SLC35D1: variants seen among roughly 807,000 people sequenced by gnomAD.
The protein encoded by SLC35D1 is nucleotide sugar transporter SLC35D1.
In SLC35D1, 31 loss-of-function variants were observed where a neutral mutation model predicts 46.7. That is an observed-to-expected ratio of 0.66 (90% CI 0.50 to 0.90). SLC35D1 has a LOEUF of 0.90. SLC35D1 is among the 40% of genes least tolerant of loss of function. The pLI is 0.00. For synonymous variants in SLC35D1, 195 were observed against 164.6 expected (o/e 1.18, Z -1.41); for missense variants, 397 against 426.2 (o/e 0.93, Z 0.60).
At chr1:66,983,526 A>G in the SLC35D1 span, among the ~76,000 whole-genome samples, 1 of 152,206 alleles carries the variant, frequency 6.6e-6, no homozygotes, top group Non-Finnish European at 1.5e-5. Flanking sequence ...CAACTCTAAA[A>G]TGAACTTTTG....
In SLC35D1 at chr1:67,052,937, G is replaced by C; in HGVS notation, c.237+19C>G. ...GTTCTAACAACATAAACCACGTAATGGTGAGGATTCCAACTAACCTGGCCA... is the reference window on the plus strand; with the variant it reads ...GTTCTAACAACATAAACCACGTAATCGTGAGGATTCCAACTAACCTGGCCA... On this transcript the variant is annotated intron_variant, in intron 2 of 11. Coordinates refer to ENST00000235345, the MANE Select transcript of SLC35D1 (RefSeq NM_015139.3). The C allele has an allele frequency of 6.2e-7, 1 of 1,614,052 alleles. No homozygotes were observed. The highest frequency in any genetic ancestry group is 8.5e-7 in the Non-Finnish European group (1 of 1,180,004).
the SLC35D1 span, among the ~76,000 whole-genome samples, chr1:66,990,136 C>A: frequency 6.6e-6 from 1 of 152,202 alleles, no homozygotes; most frequent in Non-Finnish European, 1.5e-5. Context: ...TTTGAGCTTT[C>A]AAACATCCTG....
chr1:66,974,451 GTTTT>G, the SLC35D1 span, among the ~76,000 whole-genome samples: 2 of 150,716 alleles, frequency 1.3e-5, no homozygotes, highest in African/African-American at 4.9e-5. Flanking sequence ...TGTTGTTGTT[GTTTT>G]TTAACACTTC....
At chr1:67,014,887 C>T (rs1325276693) in intron 10 of SLC35D1, among the ~76,000 whole-genome samples, 3 of 151,096 alleles carry the variant, frequency 2.0e-5, no homozygotes, top group East Asian at 3.9e-4. Flanking sequence ...TCCTCCCTAG[C>T]CCAACCATGT....
chr1:67,053,748 G>A (rs1243753544), intron 1 of SLC35D1, 63 bp downstream of exon 1: 17 of 1,381,644 alleles, frequency 1.2e-5, no homozygotes, highest in Middle Eastern at 2.3e-4. Context: ...GGGAGCCGGC[G>A]CCGCGCCGCC....
intron 8 of SLC35D1, among the ~76,000 whole-genome samples, chr1:67,034,030 C>G (rs1668074670): frequency 1.3e-5 from 2 of 152,072 alleles, no homozygotes; most frequent in African/African-American, 4.8e-5. Context: ...TATTCAGACA[C>G]ATAGATTTCA....
At chr1:67,015,825 A>G (rs771978730) in intron 10 of SLC35D1, among the ~76,000 whole-genome samples, 1 of 152,224 alleles carries the variant, frequency 6.6e-6, no homozygotes, top group Non-Finnish European at 1.5e-5. Flanking sequence ...TGGTATCTTT[A>G]TTATGTCTTA....
chr1:67,009,275 A>G (rs554317550), intron 10 of SLC35D1, 108 bp from the exon 11 acceptor site: 15 of 449,058 alleles, frequency 3.3e-5, no homozygotes, highest in African/African-American at 3.0e-4. Context: ...ACAAATAAAC[A>G]AAAGACAAAC....
chr1:66,987,865 T>TATAA, the SLC35D1 span: 1 of 152,422 alleles, frequency 6.6e-6, no homozygotes, highest in Non-Finnish European at 1.5e-5. Context: ...GATGTATTTT[T>TATAA]GTCTTCTTCC....
At chr1:66,981,133 G>T in the SLC35D1 span, among the ~76,000 whole-genome samples, 1 of 152,164 alleles carries the variant, frequency 6.6e-6, no homozygotes, top group Non-Finnish European at 1.5e-5. Context: ...CACTAAACCT[G>T]AGAGAGACAA....
the SLC35D1 span, chr1:66,981,869 C>T: frequency 6.8e-6 from 11 of 1,614,050 alleles, no homozygotes; most frequent in Non-Finnish European, 9.3e-6. Context: ...ACAGTAGTAA[C>T]AGCCAGTCTG....
the SLC35D1 span, among the ~76,000 whole-genome samples, chr1:66,980,326 C>T: frequency 1.5e-4 from 23 of 152,120 alleles, no homozygotes; most frequent in Non-Finnish European, 1.5e-5. Context: ...TAATTGAATT[C>T]CCTTCATTTA....
chr1:66,987,945 T>A, the SLC35D1 span: 1 of 152,298 alleles, frequency 6.6e-6, no homozygotes. Flanking sequence ...CTGGATTATA[T>A]AATTTAAAAA....
intron 6 of SLC35D1, among the ~76,000 whole-genome samples, chr1:67,048,870 G>A (rs895960348): frequency 6.6e-6 from 1 of 152,174 alleles, no homozygotes; most frequent in Non-Finnish European, 1.5e-5. Flanking sequence ...TGGCATTTGT[G>A]ACATATCTTA....
downstream of SLC35D1, among the ~76,000 whole-genome samples, chr1:66,996,913 T>C (rs1468099883): frequency 1.3e-5 from 2 of 152,212 alleles, no homozygotes; most frequent in African/African-American, 2.4e-5. Context: ...CTTCAACAAA[T>C]GGTGTTGGGA....
intron 10 of SLC35D1, among the ~76,000 whole-genome samples, chr1:67,017,462 G>C (rs183104182): frequency 5.3e-5 from 8 of 152,216 alleles, no homozygotes; most frequent in African/African-American, 1.9e-4. Context: ...ACTGAAAGTT[G>C]AAACTGTGCT....
chr1:67,043,893 G>C lies in SLC35D1; in HGVS notation c.637-1565C>G, dbSNP rs139251324. On this transcript the variant is annotated intron_variant, in intron 7 of 11. Coordinates refer to ENST00000235345, the MANE Select transcript of SLC35D1 (RefSeq NM_015139.3). ...ATGCAGGCCAGGGTTTGAGAGGTGG[G>C]AAGTGGGGACAGTGAGGGAGTGGTA... Among the ~76,000 whole-genome samples, 37 of 152,334 alleles carry C rather than the reference G, an allele frequency of 2.4e-4. No individual in the cohort carries two copies. In the East Asian group the frequency reaches 7.1e-3, roughly 29 times the overall value.
chr1:66,982,668 T>C, the SLC35D1 span, among the ~76,000 whole-genome samples: 1 of 152,224 alleles, frequency 6.6e-6, no homozygotes, highest in South Asian at 2.1e-4. Flanking sequence ...AGTGAAGAGC[T>C]GACTTCTTCC....
At chr1:66,996,730 G>A (rs1667242079), downstream of SLC35D1, among the ~76,000 whole-genome samples, 1 of 152,226 alleles carries the variant, frequency 6.6e-6, no homozygotes, top group African/African-American at 2.4e-5. Flanking sequence ...TTTCTCCTCT[G>A]AGCAGTGCAT....
Sources: gnomAD v4.1 joint callset for allele counts (sites outside exome capture counted in the v4.1 genomes callset) on GRCh38, gnomAD v4.1.1 for gene constraint, MANE v1.5 for transcripts, NCBI Gene and HGNC (gene_info 2026-07-23, HGNC 2026-07-21) for gene names.